The following DNAH11 variants were observed in gnomAD, a reference collection of about 807,000 sequenced individuals.
DNAH11 encodes the protein dynein axonemal heavy chain 11, also known as axonemal beta dynein heavy chain 11.
DNAH11 carries 442 observed loss-of-function variants against 526.0 expected under a neutral mutation model. The ratio of observed to expected loss-of-function variants is 0.84; its 90% CI spans 0.78 to 0.91. The LOEUF (loss-of-function observed/expected upper bound fraction) is 0.91, where lower values mean the gene tolerates loss of function less well. Ranked by LOEUF, DNAH11 falls within the 40% of genes least tolerant of loss-of-function variation. DNAH11 has a pLI of 0.00. For missense variants in DNAH11, 6,989 were observed against 5,448.7 expected (o/e 1.28, Z -8.90); for synonymous variants, 2,461 against 1,935.9 (o/e 1.27, Z -7.12).
intron 2 of DNAH11, among the ~76,000 whole-genome samples, chr7:21,555,652 A>G (rs535248036): frequency 2.0e-5 from 3 of 152,156 alleles, no homozygotes; most frequent in Non-Finnish European, 4.4e-5. Flanking sequence ...GGCAGTACCT[A>G]TAGTCCAATT....
chr7:21,750,222 G>A lies in DNAH11; in HGVS notation c.8798G>A (p.Gly2933Glu), dbSNP rs1320820284. The A allele has an allele frequency of 6.3e-7, 1 of 1,593,390 alleles. No homozygotes were observed. Among genetic ancestry groups the A allele is most frequent in the Non-Finnish European group, 8.5e-7 (1 of 1,172,028 alleles). Residue 2933 changes from glycine (G) to glutamate (E), a missense_variant and splice_region_variant, in exon 54 of 82, where the codon GGA becomes GAA. Transcript: ENST00000409508. ...TAATTCTACTCATTCTTTGGGGCAG[G>A]AGAAATCCCAGATCTGTTCAGCGAT... ...LVLINDLLAS[G>E]EIPDLFSDED...
At chr7:21,578,482 T>C (rs569827668) in intron 8 of DNAH11, among the ~76,000 whole-genome samples, 37 of 152,332 alleles carry the variant, frequency 2.4e-4, no homozygotes, top group African/African-American at 8.4e-4. Context: ...ACAACTGCTT[T>C]CACTGGCTGA....
rs527831836 is a variant in DNAH11 at position 21,547,413 on chromosome 7, G to A, written c.495+2264G>A. 1.3e-3 allele frequency among the ~76,000 whole-genome samples: 197 copies of A among 152,304 alleles called. 1 individual carries two copies. The highest frequency in any genetic ancestry group is 4.6e-3 in the African/African-American group (190 of 41,564). Reference sequence around the variant, plus strand: ...CTTTTAATGGCAGTCTTGCAAGATCGGGTGTTTAGTAGGCAGGCACACCCG... The same window carrying A: ...CTTTTAATGGCAGTCTTGCAAGATCAGGTGTTTAGTAGGCAGGCACACCCG... On this transcript the variant is annotated intron_variant, in intron 2 of 81. Transcript: ENST00000409508.
chr7:21,752,949 T>G (rs186853893), intron 54 of DNAH11, among the ~76,000 whole-genome samples: 128 of 152,168 alleles, frequency 8.4e-4, no homozygotes, highest in African/African-American at 2.9e-3. Flanking sequence ...CGTGGCCTCA[T>G]GTCCACCCGC....
chr7:21,863,820 T>A (rs1783167709), intron 69 of DNAH11, among the ~76,000 whole-genome samples: 1 of 152,188 alleles, frequency 6.6e-6, no homozygotes, highest in Non-Finnish European at 1.5e-5. Context: ...TAATAAAATA[T>A]TTTAGTGCAT....
intron 27 of DNAH11, among the ~76,000 whole-genome samples, chr7:21,638,011 TATTG>T (rs141726874): frequency 0.093 from 14,111 of 152,170 alleles, 774 homozygotes; most frequent in African/African-American, 0.16. Context: ...ATCCTGTAAA[TATTG>T]ATTGAGCACC....
In DNAH11 at chr7:21,543,462, A is replaced by G; in HGVS notation, c.217A>G (p.Thr73Ala). The change falls in exon 1 of 82, where the codon ACG becomes GCG. Residue 73 changes from threonine to alanine, a missense_variant. Thr to Ala is a moderately conservative substitution (Grantham distance 58, BLOSUM62 0). Coordinates refer to ENST00000409508, the MANE Select transcript of DNAH11 (RefSeq NM_001277115.2). Reference protein sequence around the residue: ...GGRLAMMLGFTEEKWSQYLES... With the variant: ...GGRLAMMLGFAEEKWSQYLES... Reference sequence around the variant, plus strand: ...CCGCCTGGCGATGATGCTGGGGTTCACGGAGGAGAAATGGAGCCAGTATTT... The same window carrying G: ...CCGCCTGGCGATGATGCTGGGGTTCGCGGAGGAGAAATGGAGCCAGTATTT... The G allele has an allele frequency of 6.3e-7, 1 of 1,579,868 alleles. No individual in the cohort carries two copies. Among genetic ancestry groups the G allele is most frequent in the Non-Finnish European group, 8.6e-7 (1 of 1,162,110 alleles).
At chr7:21,807,406 A>C (rs1420610821) in intron 62 of DNAH11, among the ~76,000 whole-genome samples, 2 of 152,174 alleles carry the variant, frequency 1.3e-5, no homozygotes, top group Admixed American at 1.3e-4. Flanking sequence ...GGCTGAAGTG[A>C]GAAGATGGCT....
chr7:21,859,019 T>C (rs941226159), intron 68 of DNAH11, among the ~76,000 whole-genome samples: 3 of 152,164 alleles, frequency 2.0e-5, no homozygotes, highest in African/African-American at 7.2e-5. Context: ...CCTGACCTCA[T>C]GCACTTTATG....
intron 2 of DNAH11, among the ~76,000 whole-genome samples, chr7:21,551,118 G>A (rs544211076): frequency 1.3e-5 from 2 of 152,228 alleles, no homozygotes; most frequent in African/African-American, 4.8e-5. Context: ...GTTTTCTCAT[G>A]GAGTTTACTT....
intron 38 of DNAH11, among the ~76,000 whole-genome samples, chr7:21,705,060 A>C (rs1324881592): frequency 6.6e-6 from 1 of 152,216 alleles, no homozygotes. Context: ...CATATTTTTC[A>C]ATTTGAATTC....
chr7:21,745,803 A>G (rs1786124315), intron 51 of DNAH11, among the ~76,000 whole-genome samples: 1 of 152,226 alleles, frequency 6.6e-6, no homozygotes, highest in Non-Finnish European at 1.5e-5. Context: ...GTGAATTTCC[A>G]AAGAGGGACT....
At chr7:21,842,299 T>C in intron 65 of DNAH11, among the ~76,000 whole-genome samples, 1 of 152,216 alleles carries the variant, frequency 6.6e-6, no homozygotes, top group Middle Eastern at 3.2e-3. Flanking sequence ...ATTGTTACAG[T>C]GACACTATGG....
chr7:21,659,557 T>C (rs1263850485), intron 30 of DNAH11, among the ~76,000 whole-genome samples: 1 of 152,106 alleles, frequency 6.6e-6, no homozygotes, highest in African/African-American at 2.4e-5. Flanking sequence ...ATATAACAGT[T>C]CAGAGATGTA....
Position 21,591,207 on chromosome 7 carries a change from T to C in DNAH11, c.2297T>C (p.Leu766Pro), listed in dbSNP as rs760763043. The change falls in exon 14 of 82, where the codon CTT becomes CCT. Residue 766 changes from leucine to proline, a missense_variant. By Grantham distance (98) the Leu-to-Pro change is moderately conservative (BLOSUM62 -3). Coordinates refer to ENST00000409508, the MANE Select transcript of DNAH11 (RefSeq NM_001277115.2). ...ILKYIGNLDL[L>P]VQGYNKLKQT... ...CAGTACATTGGAAATCTTGACCTTC[T>C]TGTGCAAGGGTATAATAAACTCAAA... The C allele has an allele frequency of 6.5e-7, 1 of 1,548,780 alleles. No homozygotes were observed. Among genetic ancestry groups the C allele is most frequent in the South Asian group, 1.3e-5 (1 of 78,194 alleles).
At chr7:21,610,337 T>G (rs1254779832) in intron 20 of DNAH11, among the ~76,000 whole-genome samples, 2 of 152,186 alleles carry the variant, frequency 1.3e-5, no homozygotes, top group Non-Finnish European at 2.9e-5. Flanking sequence ...TGGTCCGGTT[T>G]TATACTACCC....
At chr7:21,659,352 T>C (rs1050201447) in intron 30 of DNAH11, among the ~76,000 whole-genome samples, 2 of 151,236 alleles carry the variant, frequency 1.3e-5, no homozygotes, top group African/African-American at 4.9e-5. Flanking sequence ...AGAAAATATG[T>C]GCATGATTTG....
chr7:21,843,746 T>C (rs1485522090), intron 66 of DNAH11, among the ~76,000 whole-genome samples: 1 of 152,126 alleles, frequency 6.6e-6, no homozygotes, highest in African/African-American at 2.4e-5. Flanking sequence ...CCCAAAGTGC[T>C]GGGATTACAG....
rs950600455 is a variant in DNAH11 at position 21,543,174 on chromosome 7, C to T, written c.-72C>T. ...GGGTGGGCGCCTGCGGAGGTGTCCT[C>T]GCTCACTTCGGGGGGCCCAGAGTCT... On this transcript the variant is annotated 5_prime_UTR_variant, in exon 1 of 82. Transcript: ENST00000409508. The T allele has an allele frequency of 1.8e-5, 26 of 1,446,250 alleles. No individual in the cohort carries two copies. In the Admixed American group the frequency reaches 2.5e-4, roughly 14 times the overall value. 89.6% of individuals were successfully genotyped at this position (1,446,250 alleles called of 1,614,324 possible). A position where few individuals can be genotyped will look rare whatever the true frequency, so the allele number is the denominator to read the frequency against.
Sources: gnomAD v4.1 joint callset for allele counts (sites outside exome capture counted in the v4.1 genomes callset) on GRCh38, gnomAD v4.1.1 for gene constraint, MANE v1.5 for transcripts, NCBI Gene and HGNC (gene_info 2026-07-23, HGNC 2026-07-21) for gene names.